NCAPG2: variants seen among roughly 807,000 people sequenced by gnomAD.
NCAPG2 encodes the protein condensin-2 complex subunit G2.
A neutral mutation model predicts 141.1 loss-of-function variants in NCAPG2; 53 were observed. The ratio of observed to expected loss-of-function variants is 0.38; its 90% CI spans 0.30 to 0.47. NCAPG2 has a LOEUF of 0.47. NCAPG2 is among the 20% of genes least tolerant of loss of function. NCAPG2 has a pLI of 0.99. For missense variants in NCAPG2, 1,087 were observed against 1,389.0 expected, an observed-to-expected ratio of 0.78 and a Z score of 3.46; for synonymous variants, 499 against 490.7, an observed-to-expected ratio of 1.02 and a Z score of -0.22.
At chr7:158,694,660 C>T (rs1169636334) in intron 2 of NCAPG2, among the ~76,000 whole-genome samples, 1 of 152,120 alleles carries the variant, frequency 6.6e-6, no homozygotes, top group Non-Finnish European at 1.5e-5. Flanking sequence ...TCAAAACTGT[C>T]GGGGTCATAA....
At chr7:158,637,550 C>G in intron 27 of NCAPG2, among the ~76,000 whole-genome samples, 2 of 152,308 alleles carry the variant, frequency 1.3e-5, no homozygotes, top group Non-Finnish European at 1.5e-5. Context: ...CTGTGGGACT[C>G]AAGAGAGTAG....
chr7:158,687,923 CA>C (rs749641538), intron 6 of NCAPG2, among the ~76,000 whole-genome samples: 12 of 152,162 alleles, frequency 7.9e-5, no homozygotes, highest in Admixed American at 2.0e-4. Context: ...TTTCCAAATA[CA>C]CAGTCTTCAA....
chr7:158,668,618 G>T, intron 13 of NCAPG2: 1 of 172,308 alleles, frequency 5.8e-6, no homozygotes, highest in Non-Finnish European at 1.2e-5. Context: ...TGGGTGATGG[G>T]TGTATCTAAT....
intron 27 of NCAPG2, chr7:158,641,367 C>A: frequency 2.4e-6 from 1 of 416,948 alleles, no homozygotes; most frequent in South Asian, 8.6e-5. Flanking sequence ...AAAACATGAC[C>A]CATTTATATA....
chr7:158,667,431 GCCC>G (rs1833132329), intron 13 of NCAPG2, among the ~76,000 whole-genome samples: 1 of 57,896 alleles, frequency 1.7e-5, no homozygotes, highest in Admixed American at 1.6e-4. Context: ...GGGTCCCTCC[GCCC>G]TCCTTACCCA....
intron 27 of NCAPG2, among the ~76,000 whole-genome samples, chr7:158,635,245 C>G (rs868196075): frequency 2.0e-5 from 3 of 152,070 alleles, no homozygotes; most frequent in Non-Finnish European, 4.4e-5. Flanking sequence ...TAAAAAGCAT[C>G]CAGCCTCAAA....
intron 2 of NCAPG2, among the ~76,000 whole-genome samples, chr7:158,697,425 A>C (rs1835516689): frequency 6.6e-6 from 1 of 152,224 alleles, no homozygotes; most frequent in African/African-American, 2.4e-5. Flanking sequence ...AACATGGCGA[A>C]ACCCTGTCTC....
chr7:158,638,021 G>A (rs953156741), intron 27 of NCAPG2, among the ~76,000 whole-genome samples: 5 of 152,110 alleles, frequency 3.3e-5, no homozygotes, highest in Admixed American at 3.3e-4. Context: ...GCGCATGCCT[G>A]TAATCCCAGC....
intron 8 of NCAPG2, among the ~76,000 whole-genome samples, chr7:158,685,858 C>T (rs1834725330): frequency 1.3e-5 from 2 of 152,146 alleles, no homozygotes; most frequent in South Asian, 4.1e-4. Context: ...CATATGAAGT[C>T]TTTGAAATCT....
chr7:158,652,624 C>T, intron 22 of NCAPG2, 144 bp from the exon 23 acceptor site: 1 of 675,004 alleles, frequency 1.5e-6, no homozygotes, highest in Non-Finnish European at 2.4e-6. Context: ...ATACCAAAAG[C>T]CAGGTTGATC....
intron 24 of NCAPG2, among the ~76,000 whole-genome samples, chr7:158,648,597 G>T (rs149281442): frequency 0.2 from 7,413 of 37,776 alleles, 854 homozygotes; most frequent in Middle Eastern, 0.29. Flanking sequence ...CCAAATGGAC[G>T]ACAACCACGC....
chr7:158,703,807 G>A (rs1835959765), intron 1 of NCAPG2: 1 of 152,544 alleles, frequency 6.6e-6, no homozygotes, highest in South Asian at 2.1e-4. Flanking sequence ...ACAACAAGAG[G>A]CACCAAACCA....
intron 13 of NCAPG2, among the ~76,000 whole-genome samples, chr7:158,671,313 A>G (rs1833669262): frequency 1.3e-5 from 2 of 152,256 alleles, no homozygotes; most frequent in Non-Finnish European, 2.9e-5. Flanking sequence ...TGCTTACATT[A>G]ATGTCTTTCA....
chr7:158,687,237 C>A lies in NCAPG2; in HGVS notation c.767+111G>T, dbSNP rs577631343. The stretch of plus-strand genomic sequence containing the variant: ...TGATCCAATGGTACATAATAAATAA[C>A]GTATTTCTAAAGCTTCTAATCCATT... On this transcript the variant is annotated intron_variant, in intron 7 of 27. Transcript: ENST00000356309. 5.4e-3 allele frequency: 3,445 copies of A among 634,628 alleles called. 142 individuals are homozygous for A. The East Asian group carries it at 0.086, about 16-fold the overall frequency. The allele number at this position is 634,628 out of a possible 1,614,324, so 39.3% of individuals were successfully genotyped here.
chr7:158,671,176 G>A (rs1284497223), intron 13 of NCAPG2, among the ~76,000 whole-genome samples: 1 of 143,176 alleles, frequency 7.0e-6, no homozygotes, highest in Non-Finnish European at 1.5e-5. Context: ...CAGGGGGGTG[G>A]GGGTGGGGGG....
chr7:158,702,844 T>C (rs747360185), intron 1 of NCAPG2, among the ~76,000 whole-genome samples: 5 of 152,134 alleles, frequency 3.3e-5, no homozygotes, highest in Non-Finnish European at 7.3e-5. Flanking sequence ...AACAGTGAAG[T>C]CTGGTCATCT....
intron 4 of NCAPG2, among the ~76,000 whole-genome samples, chr7:158,692,293 C>T (rs1316905887): frequency 2.0e-5 from 3 of 147,704 alleles, no homozygotes; most frequent in African/African-American, 7.5e-5. Flanking sequence ...GGCAACAGGG[C>T]GAGATTCTGT....
chr7:158,690,159 ATTAAAAATCCAGCAAGT>A (rs1334598413), intron 5 of NCAPG2, among the ~76,000 whole-genome samples: 1 of 152,246 alleles, frequency 6.6e-6, no homozygotes, highest in Non-Finnish European at 1.5e-5. Context: ...AAGGAAAATA[ATTAAAAATCCAGCAAGT>A]TTAAGAACTT....
intron 19 of NCAPG2, 24 bp from the exon 20 acceptor site, chr7:158,655,479 C>T (rs776676695): frequency 8.2e-6 from 13 of 1,587,460 alleles, no homozygotes; most frequent in Admixed American, 3.3e-5. Context: ...AACCCAAGGG[C>T]CACATGCTGA....
Sources: gnomAD v4.1 joint callset for allele counts (sites outside exome capture counted in the v4.1 genomes callset) on GRCh38, gnomAD v4.1.1 for gene constraint, MANE v1.5 for transcripts, NCBI Gene and HGNC (gene_info 2026-07-23, HGNC 2026-07-21) for gene names.